Variants in ENTREP1 observed in about 807,000 individuals in gnomAD.
The protein encoded by ENTREP1 is endosomal transmembrane epsin interactor 1.
At chr9:69,332,767 T>C in the ENTREP1 span, among the ~76,000 whole-genome samples, 2 of 152,184 alleles carry the variant, frequency 1.3e-5, no homozygotes, top group Non-Finnish European at 2.9e-5. Context: ...ATAAAAAGAA[T>C]AGAAATACCT....
At chr9:69,379,127 T>C in the ENTREP1 span, among the ~76,000 whole-genome samples, 808 of 152,366 alleles carry the variant, frequency 5.3e-3, 3 homozygotes, top group Non-Finnish European at 8.8e-3. Context: ...CAGAAATTTC[T>C]ATTTTTTAAT....
chr9:69,390,173 C>G, the ENTREP1 span, among the ~76,000 whole-genome samples: 2 of 152,210 alleles, frequency 1.3e-5, no homozygotes, highest in Non-Finnish European at 2.9e-5. Flanking sequence ...GAGACAAGGA[C>G]AGACCTTAAA....
At chr9:69,389,654 C>T in the ENTREP1 span, among the ~76,000 whole-genome samples, 1 of 152,204 alleles carries the variant, frequency 6.6e-6, no homozygotes, top group South Asian at 2.1e-4. Context: ...TCTGTCCGGC[C>T]CCAATAGCCC....
At chr9:69,325,451 G>GGCGCGCTGCAGCCCCCGTC in the ENTREP1 span, 1 of 954,478 alleles carries the variant, frequency 1.0e-6, no homozygotes, top group African/African-American at 1.8e-5. Flanking sequence ...CTGGCCCCGG[G>GGCGCGCTGCAGCCCCCGTC]GCGCGCTGCA....
chr9:69,337,865 T>G, the ENTREP1 span, among the ~76,000 whole-genome samples: 3 of 152,192 alleles, frequency 2.0e-5, no homozygotes, highest in Non-Finnish European at 4.4e-5. Flanking sequence ...TTTTCTAAAG[T>G]CATTTTGTAT....
chr9:69,378,331 T>C, the ENTREP1 span, among the ~76,000 whole-genome samples: 3 of 152,238 alleles, frequency 2.0e-5, no homozygotes, highest in African/African-American at 7.2e-5. Context: ...AAAAAATAGA[T>C]ACCATACTTA....
the ENTREP1 span, chr9:69,391,667 C>T: frequency 6.2e-7 from 1 of 1,614,206 alleles, no homozygotes; most frequent in African/African-American, 1.3e-5. Flanking sequence ...ACAGCCTGGC[C>T]TGCTGCACCT....
the ENTREP1 span, among the ~76,000 whole-genome samples, chr9:69,348,790 C>T: frequency 1.3e-5 from 2 of 152,212 alleles, no homozygotes; most frequent in East Asian, 3.8e-4. Flanking sequence ...TCTGTCAGTA[C>T]TTGTCCCTTT....
the ENTREP1 span, among the ~76,000 whole-genome samples, chr9:69,335,902 A>G: frequency 2.1e-5 from 1 of 46,652 alleles, no homozygotes; most frequent in Non-Finnish European, 5.0e-5. Context: ...GAGGATCACC[A>G]GAGCCCAGAA....
At chr9:69,376,788 T>G in the ENTREP1 span, among the ~76,000 whole-genome samples, 1 of 152,224 alleles carries the variant, frequency 6.6e-6, no homozygotes, top group Non-Finnish European at 1.5e-5. Flanking sequence ...GAGCCAGGAC[T>G]GTACCAACAG....
chr9:69,364,159 CAT>C, the ENTREP1 span, among the ~76,000 whole-genome samples: 79 of 152,262 alleles, frequency 5.2e-4, no homozygotes, highest in African/African-American at 1.8e-3. Context: ...ACACTGTGTA[CAT>C]TGTATTTTCC....
chr9:69,327,731 G>C, the ENTREP1 span, among the ~76,000 whole-genome samples: 1 of 152,198 alleles, frequency 6.6e-6, no homozygotes, highest in South Asian at 2.1e-4. Flanking sequence ...CCAGAGGAGA[G>C]AAAGAAATCA....
the ENTREP1 span, among the ~76,000 whole-genome samples, chr9:69,331,260 G>T: frequency 1.3e-5 from 2 of 152,184 alleles, no homozygotes; most frequent in Admixed American, 1.3e-4. Context: ...TTTGATAAAT[G>T]ATTCAGAACA....
chr9:69,340,658 T>C, the ENTREP1 span, among the ~76,000 whole-genome samples: 1 of 114,566 alleles, frequency 8.7e-6, no homozygotes, highest in African/African-American at 3.5e-5. Context: ...TGTGCATGTG[T>C]GTGTGTGCGT....
At chr9:69,346,484 G>A in the ENTREP1 span, among the ~76,000 whole-genome samples, 3 of 151,718 alleles carry the variant, frequency 2.0e-5, no homozygotes, top group Non-Finnish European at 2.9e-5. Flanking sequence ...TCTGAACTTT[G>A]GATAGTATCT....
At chr9:69,330,905 C>G in the ENTREP1 span, among the ~76,000 whole-genome samples, 2 of 152,122 alleles carry the variant, frequency 1.3e-5, no homozygotes, top group South Asian at 4.1e-4. Flanking sequence ...CTGGAATACA[C>G]GGGAACCTGT....
chr9:69,339,771 T>A, the ENTREP1 span, among the ~76,000 whole-genome samples: 1 of 152,188 alleles, frequency 6.6e-6, no homozygotes, highest in Admixed American at 6.5e-5. Context: ...TTTCACCCCC[T>A]AGCTGGTTGT....
the ENTREP1 span, among the ~76,000 whole-genome samples, chr9:69,391,224 T>G: frequency 6.6e-6 from 1 of 152,166 alleles, no homozygotes; most frequent in South Asian, 2.1e-4. Context: ...TGTAGCAATT[T>G]GCTGAGAATT....
the ENTREP1 span, chr9:69,388,351 C>T: frequency 1.2e-6 from 2 of 1,614,086 alleles, no homozygotes; most frequent in South Asian, 1.1e-5. Flanking sequence ...GTACCATGAC[C>T]CCAGACATCC....
Sources: gnomAD v4.1 joint callset for allele counts (sites outside exome capture counted in the v4.1 genomes callset) on GRCh38, gnomAD v4.1.1 for gene constraint, MANE v1.5 for transcripts, NCBI Gene and HGNC (gene_info 2026-07-23, HGNC 2026-07-21) for gene names.